The following VAC14 variants were observed in gnomAD, a reference collection of about 807,000 sequenced individuals.
The protein encoded by VAC14 is protein VAC14 homolog.
A neutral mutation model predicts 85.3 loss-of-function variants in VAC14; 47 were observed. The observed-to-expected ratio is 0.55, with a 90% CI of 0.44 to 0.70. The LOEUF is 0.70. VAC14 is among the 30% of genes least tolerant of loss of function. VAC14 has a pLI of 0.00. For synonymous variants in VAC14, 447 were observed against 430.5 expected, an observed-to-expected ratio of 1.04 and a Z score of -0.47; for missense variants, 861 against 1,004.3, an observed-to-expected ratio of 0.86 and a Z score of 1.93.
At chr16:70,783,179 G>A (rs1291097675) in intron 6 of VAC14, 40 bp from the exon 7 acceptor site, 1 of 1,595,708 alleles carries the variant, frequency 6.3e-7, no homozygotes. Flanking sequence ...GCGAGGGTCA[G>A]CCAGGGCTGG....
At chr16:70,713,331 C>T (rs2054077719) in intron 14 of VAC14, among the ~76,000 whole-genome samples, 1 of 152,254 alleles carries the variant, frequency 6.6e-6, no homozygotes, top group Non-Finnish European at 1.5e-5. Context: ...CGCGCTGCAG[C>T]CACCAGCATA....
intron 2 of VAC14, 69 bp downstream of exon 2, chr16:70,786,146 G>C: frequency 6.4e-7 from 1 of 1,572,068 alleles, no homozygotes; most frequent in South Asian, 1.2e-5. Context: ...TGACAGGGAA[G>C]GCATCGGGAT....
chr16:70,763,100 C>CT lies in VAC14; in HGVS notation c.1161-76dup, dbSNP rs560033850. The CT allele has an allele frequency of 7.6e-3, 12,178 of 1,594,714 alleles. 76 individuals carry two copies. The highest frequency in any genetic ancestry group is 0.011 in the South Asian group (943 of 88,242). On this transcript the variant is annotated intron_variant, in intron 10 of 18. Coordinates refer to ENST00000261776, the MANE Select transcript of VAC14 (RefSeq NM_018052.5). ...TCTCCCATGGAGTCATGGCACCACCCTGGGCCTGCACATCCTGAGTCACAC... is the reference window on the plus strand; with the variant it reads ...TCTCCCATGGAGTCATGGCACCACCCTTGGGCCTGCACATCCTGAGTCACAC...
Position 70,781,867 on chromosome 16 carries a change from A to G in VAC14, c.946+2T>C. ...ATTATTCTCTCCCAAAGCAAAGGAT[A>G]CTTTTCTTGCGGTCATCGTAGGCCA... is the stretch of plus-strand genomic sequence containing the variant. On this transcript the variant is annotated splice_donor_variant, in intron 8 of 18. Coordinates refer to ENST00000261776, the MANE Select transcript of VAC14 (RefSeq NM_018052.5). LOFTEE classifies it high-confidence loss of function. 6.2e-7 allele frequency: 1 copy of G among 1,613,882 alleles called. No homozygotes were observed. The highest frequency in any genetic ancestry group is 1.3e-5 in the African/African-American group (1 of 75,024).
chr16:70,776,150 G>C (rs1478311923), intron 9 of VAC14, among the ~76,000 whole-genome samples: 1 of 152,146 alleles, frequency 6.6e-6, no homozygotes, highest in Non-Finnish European at 1.5e-5. Flanking sequence ...CTCTCCCCCA[G>C]GCTGTAGTGG....
chr16:70,702,361 T>C (rs1306228334), intron 14 of VAC14, among the ~76,000 whole-genome samples: 1 of 152,240 alleles, frequency 6.6e-6, no homozygotes, highest in Non-Finnish European at 1.5e-5. Flanking sequence ...GGTGTCTCCC[T>C]CTGAGCATCG....
chr16:70,778,180 T>G (rs975658877), intron 9 of VAC14, among the ~76,000 whole-genome samples: 1 of 152,174 alleles, frequency 6.6e-6, no homozygotes, highest in Non-Finnish European at 1.5e-5. Context: ...GAAAAAATGC[T>G]TAGGAAAACC....
chr16:70,743,406 G>A (rs932185621), intron 13 of VAC14, among the ~76,000 whole-genome samples: 1 of 152,196 alleles, frequency 6.6e-6, no homozygotes, highest in East Asian at 1.9e-4. Flanking sequence ...CCCCTTCCAC[G>A]CTGTGGAAGC....
intron 14 of VAC14, among the ~76,000 whole-genome samples, chr16:70,707,778 A>G (rs888001997): frequency 6.7e-6 from 1 of 149,638 alleles, no homozygotes; most frequent in Non-Finnish European, 1.5e-5. Context: ...ACCTTGGCCC[A>G]TCGGGCTGGC....
At chr16:70,783,577 AG>A (rs1437983579) in intron 5 of VAC14, 23 bp from the exon 6 acceptor site, 1 of 1,609,240 alleles carries the variant, frequency 6.2e-7, no homozygotes, top group Non-Finnish European at 8.5e-7. Flanking sequence ...AGGGAACAGG[AG>A]GGGAAGTCAG....
At chr16:70,688,466 G>A (rs1467364353) in intron 18 of VAC14, 3 of 995,152 alleles carry the variant, frequency 3.0e-6, no homozygotes, top group Non-Finnish European at 3.6e-6. Context: ...AGGGTCTGGG[G>A]AGAAGGGGGA....
chr16:70,712,214 G>C (rs2054049798), intron 14 of VAC14, among the ~76,000 whole-genome samples: 1 of 152,172 alleles, frequency 6.6e-6, no homozygotes, highest in East Asian at 1.9e-4. Context: ...AAACGCGTGA[G>C]AAATAAGAGG....
chr16:70,757,287 C>G (rs2031948007), intron 12 of VAC14, among the ~76,000 whole-genome samples: 6 of 152,224 alleles, frequency 3.9e-5, no homozygotes, highest in Admixed American at 3.3e-4. Context: ...AATGCAGGTC[C>G]TCTGCTGACG....
intron 14 of VAC14, among the ~76,000 whole-genome samples, chr16:70,713,268 T>A (rs1361944364): frequency 6.6e-6 from 1 of 152,146 alleles, no homozygotes; most frequent in African/African-American, 2.4e-5. Context: ...GAAGCCCCCA[T>A]CTCCACTTAG....
chr16:70,732,461 C>T lies in VAC14; in HGVS notation c.1529-834G>A, dbSNP rs572612853. ...GCACACACGCCCCTTGGTAAAGTAC[C>T]CAGCACCAAGGGGACAAGGGAAAGG... On this transcript the variant is annotated intron_variant, in intron 13 of 18. Coordinates refer to ENST00000261776, the MANE Select transcript of VAC14 (RefSeq NM_018052.5). Among the ~76,000 whole-genome samples, 9 of 152,184 alleles carry T rather than the reference C, an allele frequency of 5.9e-5. No homozygotes were observed. In the South Asian group the frequency reaches 1.5e-3, roughly 25 times the overall value.
chr16:70,694,060 A>G (rs1157884950), intron 17 of VAC14, among the ~76,000 whole-genome samples: 1 of 152,250 alleles, frequency 6.6e-6, no homozygotes, highest in Non-Finnish European at 1.5e-5. Context: ...GGAAGCAGGC[A>G]CTGCCGGTGG....
At chr16:70,689,485 C>T in intron 18 of VAC14, 9 of 985,336 alleles carry the variant, frequency 9.1e-6, no homozygotes, top group Non-Finnish European at 1.1e-5. Flanking sequence ...TGGCCACCAG[C>T]CTGCTGGGCA....
intron 14 of VAC14, among the ~76,000 whole-genome samples, chr16:70,709,028 G>C (rs1471589485): frequency 6.6e-6 from 1 of 152,216 alleles, no homozygotes. Flanking sequence ...TCCCTGCTGG[G>C]CTCCTGCCCT....
chr16:70,782,489 C>A (rs755064357), intron 7 of VAC14, among the ~76,000 whole-genome samples: 1 of 152,210 alleles, frequency 6.6e-6, no homozygotes, highest in Non-Finnish European at 1.5e-5. Flanking sequence ...CCCATGGTCC[C>A]GGCATGACAT....
Sources: allele counts gnomAD v4.1 joint callset (sites outside exome capture counted in the v4.1 genomes callset), GRCh38; gene constraint gnomAD v4.1.1; transcripts MANE v1.5; gene names NCBI Gene and HGNC (gene_info 2026-07-23, HGNC 2026-07-21).